PCTP: variants seen among roughly 807,000 people sequenced by gnomAD.
PCTP encodes the protein phosphatidylcholine transfer protein.
PCTP carries 27 observed loss-of-function variants against 31.0 expected under a neutral mutation model. The observed-to-expected ratio is 0.87, with a 90% CI of 0.64 to 1.20. The LOEUF is 1.20. Among genes scored for constraint, PCTP ranks in the 50% most tolerant of loss-of-function variants. The pLI, the probability that PCTP is intolerant of heterozygous loss-of-function variation, is 0.00. For synonymous variants in PCTP, 108 were observed against 101.2 expected, an observed-to-expected ratio of 1.07 and a Z score of -0.40; for missense variants, 287 against 268.2, an observed-to-expected ratio of 1.07 and a Z score of -0.49.
chr17:55,751,138 A>T lies in PCTP; in HGVS notation c.35A>T (p.Gln12Leu), dbSNP rs1567707512. Residue 12 changes from glutamine to leucine, a missense_variant, in exon 1 of 6, where the codon CAG becomes CTG. Transcript: ENST00000268896. ...ELAAGSFSEE[Q>L]FWEACAELQQ... The stretch of plus-strand genomic sequence containing the variant: ...GCCGCCGGAAGCTTCTCGGAGGAGC[A>T]GTTCTGGGAGGCCTGCGCCGAGCTC... The T allele has an allele frequency of 2.6e-6, 4 of 1,545,670 alleles. No homozygotes were observed. Among genetic ancestry groups the T allele is most frequent in the Non-Finnish European group, 3.5e-6 (4 of 1,145,312 alleles).
intron 3 of PCTP, among the ~76,000 whole-genome samples, chr17:55,790,221 G>A (rs1248096798): frequency 1.3e-5 from 2 of 152,006 alleles, no homozygotes; most frequent in Non-Finnish European, 2.9e-5. Context: ...AAAACTGGAA[G>A]CATTCCCTTT....
At chr17:55,841,624 G>A (rs937684819) in intron 5 of PCTP, among the ~76,000 whole-genome samples, 1 of 152,148 alleles carries the variant, frequency 6.6e-6, no homozygotes, top group African/African-American at 2.4e-5. Context: ...TCTGGATCTC[G>A]GGTGAATATT....
Position 55,755,324 on chromosome 17 carries a change from A to G in PCTP, c.141+4080A>G, listed in dbSNP as rs537913574. ...AGGTGGCCAACCTAAGGCCAAAGCT[A>G]TGTGGCTTCTTGGGGCTCTTGAGCA... On this transcript the variant is annotated intron_variant, in intron 1 of 5. Coordinates refer to ENST00000268896, the MANE Select transcript of PCTP (RefSeq NM_021213.4). Among the ~76,000 whole-genome samples, 3 of 152,338 alleles carry G rather than the reference A, an allele frequency of 2.0e-5. No homozygotes were observed. The South Asian group carries it at 6.2e-4, about 32-fold the overall frequency.
chr17:55,771,195 C>T lies in PCTP; in HGVS notation c.339+10C>T, dbSNP rs1256329344. ...CATGTCCAACAGAGACGTATCCTTT[C>T]CACAAGGTACTCATTCCCTGGCCCT... is the stretch of plus-strand genomic sequence containing the variant. On this transcript the variant is annotated intron_variant, in intron 3 of 5. Transcript: ENST00000268896. The T allele has an allele frequency of 1.5e-5, 24 of 1,588,730 alleles. No individual in the cohort carries two copies. The highest frequency in any genetic ancestry group is 1.9e-5 in the Non-Finnish European group (22 of 1,157,020).
intron 1 of PCTP, among the ~76,000 whole-genome samples, chr17:55,755,240 A>G (rs1166748944): frequency 6.6e-6 from 1 of 152,146 alleles, no homozygotes; most frequent in African/African-American, 2.4e-5. Flanking sequence ...CATGCTTGCC[A>G]CTGTGTGGTA....
In PCTP at chr17:55,794,453, T is replaced by TG. The variant is rs1352562581; in HGVS notation, c.317+6799_317+6800insG. ...GTCTCTTGTTATGGGCATTTGGGTG[T>TG]TTTTTTTTAAATTTTCTCCCTTATA... On this transcript the variant is annotated intron_variant, in intron 3 of 3. Coordinates refer to the PCTP transcript ENST00000572536. Among the ~76,000 whole-genome samples the TG allele has an allele frequency of 6.0e-5, 9 of 150,830 alleles. No homozygotes were observed. The East Asian group carries it at 1.7e-3, about 29-fold the overall frequency.
chr17:55,813,612 G>A (rs1598012792), intron 3 of PCTP, among the ~76,000 whole-genome samples: 1 of 152,146 alleles, frequency 6.6e-6, no homozygotes, highest in East Asian at 1.9e-4. Flanking sequence ...ACCGTGCCTG[G>A]CCAGAAGTTT....
At chr17:55,778,202 G>T (rs1336889190), downstream of PCTP, among the ~76,000 whole-genome samples, 1 of 129,838 alleles carries the variant, frequency 7.7e-6, no homozygotes, top group East Asian at 2.2e-4. Context: ...TATAGTAAGT[G>T]CCAAAGTCAA....
exon 4 of PCTP, chr17:55,823,085 C>T (rs1905288294): frequency 3.9e-6 from 1 of 259,446 alleles, no homozygotes; most frequent in Admixed American, 5.5e-5. Context: ...GACAAAATTA[C>T]CTGCCCTCTT....
Position 55,776,060 on chromosome 17 carries a change from A to C in PCTP, c.605A>C (p.Asp202Ala). Residue 202 changes from aspartate to alanine, a missense_variant, in exon 6 of 6, where the codon GAC becomes GCC. Physicochemically the swap from Asp to Ala is moderately radical, Grantham distance 126. Transcript: ENST00000268896. ...AKNGVPNFLK[D>A]MARACQNYLK... ...AATGGAGTTCCTAACTTCTTGAAAG[A>C]CATGGCAAGAGCCTGTCAGAACTAC... The C allele has an allele frequency of 6.2e-7, 1 of 1,614,074 alleles. No individual in the cohort carries two copies. Among genetic ancestry groups the C allele is most frequent in the African/African-American group, 1.3e-5 (1 of 75,066 alleles).
chr17:55,794,447 T>G (rs1912115413), intron 3 of PCTP, among the ~76,000 whole-genome samples: 1 of 151,986 alleles, frequency 6.6e-6, no homozygotes, highest in Non-Finnish European at 1.5e-5. Context: ...TATGGGCATT[T>G]GGGTGTTTTT....
chr17:55,811,526 G>T (rs973427701), intron 3 of PCTP, among the ~76,000 whole-genome samples: 5 of 152,254 alleles, frequency 3.3e-5, no homozygotes, highest in East Asian at 1.9e-4. Flanking sequence ...CCTTCACTTT[G>T]CTCGGCTGCC....
chr17:55,803,299 G>C (rs539656627), intron 3 of PCTP, among the ~76,000 whole-genome samples: 6 of 152,182 alleles, frequency 3.9e-5, no homozygotes, highest in Non-Finnish European at 7.3e-5. Context: ...GGAATTTATA[G>C]AGGTAATGCT....
At chr17:55,830,744 T>C (rs1230733424) in intron 5 of PCTP, among the ~76,000 whole-genome samples, 1 of 152,094 alleles carries the variant, frequency 6.6e-6, no homozygotes, top group African/African-American at 2.4e-5. Flanking sequence ...AGCAGAGAAA[T>C]ACACAGAAAA....
In PCTP at chr17:55,773,652, C is replaced by T. The variant is rs774895763; in HGVS notation, c.340-72C>T. 2.7e-6 allele frequency: 4 copies of T among 1,465,650 alleles called. No individual in the cohort carries two copies. The East Asian group carries it at 7.0e-5, about 26-fold the overall frequency. 90.8% of individuals were successfully genotyped at this position (1,465,650 alleles called of 1,614,324 possible). ...GGCACAGAATCACCTCCCTTTGCTT[C>T]CAGCTTGTGGCGCTTTCCTTCTGTC... is the stretch of plus-strand genomic sequence containing the variant. On this transcript the variant is annotated intron_variant, in intron 3 of 5. Transcript: ENST00000268896.
At chr17:55,813,899 G>A (rs1598012932) in intron 3 of PCTP, among the ~76,000 whole-genome samples, 1 of 151,924 alleles carries the variant, frequency 6.6e-6, no homozygotes, top group Admixed American at 6.6e-5. Context: ...AAACATAGCC[G>A]GCCATAGTGG....
rs1414363233 is a variant in PCTP, at chr17:55,767,356, A to G, written c.163A>G (p.Lys55Glu). Reference sequence around the variant, plus strand: ...ATAGAAGACTGGACTTTATGAGTATAAAGTCTTTGGTGTTCTGGAGGACTG... The same window carrying G: ...ATAGAAGACTGGACTTTATGAGTATGAAGTCTTTGGTGTTCTGGAGGACTG... ...LDKKTGLYEYKVFGVLEDCSP... is the reference protein window; with the variant it reads ...LDKKTGLYEYEVFGVLEDCSP... Residue 55 changes from lysine to glutamate, a missense_variant, in exon 2 of 6, where the codon AAA becomes GAA. Coordinates refer to ENST00000268896, the MANE Select transcript of PCTP (RefSeq NM_021213.4). The G allele has an allele frequency of 2.5e-5, 41 of 1,611,392 alleles. No homozygotes were observed. Among genetic ancestry groups the G allele is most frequent in the Non-Finnish European group, 3.3e-5 (39 of 1,177,786 alleles).
chr17:55,818,451 A>T (rs536005839), intron 3 of PCTP, among the ~76,000 whole-genome samples: 1 of 152,298 alleles, frequency 6.6e-6, no homozygotes, highest in East Asian at 1.9e-4. Context: ...TCTGTAAAAA[A>T]TTCTGGTTTT....
At chr17:55,756,218 A>G (rs1194054995) in intron 1 of PCTP, among the ~76,000 whole-genome samples, 1 of 152,232 alleles carries the variant, frequency 6.6e-6, no homozygotes, top group Non-Finnish European at 1.5e-5. Context: ...TCAATGAATG[A>G]GCTTCTTGAA....
Sources: allele counts gnomAD v4.1 joint callset (sites outside exome capture counted in the v4.1 genomes callset), GRCh38; gene constraint gnomAD v4.1.1; transcripts MANE v1.5; gene names NCBI Gene and HGNC (gene_info 2026-07-23, HGNC 2026-07-21).